BICRA: variants seen among roughly 807,000 people sequenced by gnomAD.
The protein encoded by BICRA is BRD4-interacting chromatin-remodeling complex-associated protein.
In BICRA, 31 loss-of-function variants were observed where a neutral mutation model predicts 96.9. The ratio of observed to expected loss-of-function variants is 0.32; its 90% CI spans 0.24 to 0.43. The LOEUF is 0.43. Ranked by LOEUF, BICRA falls within the 20% of genes least tolerant of loss-of-function variation. The pLI is 1.00. For synonymous variants in BICRA, 1,350 were observed against 1,071.8 expected (o/e 1.26, Z -5.07); for missense variants, 2,283 against 2,190.3 (o/e 1.04, Z -0.84).
At position 47,689,070 on chromosome 19, in the gene BICRA, A is replaced by G. The variant is rs184045319; in HGVS notation, c.2284-5045A>G. Reference sequence around the variant, plus strand: ...TTGGACTCCTGACCTCAAGTGATCCACCCGCCTTGGCATCCCAAAGTGCTG... The same window carrying G: ...TTGGACTCCTGACCTCAAGTGATCCGCCCGCCTTGGCATCCCAAAGTGCTG... On this transcript the variant is annotated intron_variant, in intron 7 of 14. Transcript: ENST00000594866. Among the ~76,000 whole-genome samples, 949 of 151,006 alleles carry G rather than the reference A, an allele frequency of 6.3e-3. 11 individuals carry two copies. Among genetic ancestry groups the G allele is most frequent in the Middle Eastern group, 0.01 (3 of 288 alleles).
intron 1 of BICRA, 90 bp downstream of exon 1, chr19:47,609,258 G>C (rs1459346867): frequency 6.6e-6 from 1 of 151,592 alleles, no homozygotes; most frequent in Admixed American, 6.6e-5. Context: ...CAAAAGCGAG[G>C]GGGGAGTGGG....
rs375583336 is a variant in BICRA at position 47,694,711 on chromosome 19, C to T, written c.2880C>T (p.Leu960=). Residue 960 remains leucine (L), a synonymous_variant, in exon 8 of 15, where the codon CTC becomes CTT. Coordinates refer to ENST00000594866, the MANE Select transcript of BICRA (RefSeq NM_001394372.1). ...FPALPQPKAL[L]ERFHQVPSGI... ...CGCTGCCCCAGCCGAAGGCTCTTCT[C>T]GAGAGATTTCACCAGGTAACGGGAG... is the stretch of plus-strand genomic sequence containing the variant. The T allele has an allele frequency of 1.0e-5, 16 of 1,541,588 alleles. No homozygotes were observed. Among genetic ancestry groups the T allele is most frequent in the South Asian group, 5.9e-5 (5 of 84,378 alleles).
chr19:47,678,797 G>A (rs990781977), intron 5 of BICRA, among the ~76,000 whole-genome samples: 5 of 151,952 alleles, frequency 3.3e-5, no homozygotes, highest in South Asian at 2.1e-4. Flanking sequence ...GATCAAGCAC[G>A]CCCTAGGTTA....
rs150530618 is a variant in BICRA, at chr19:47,658,578, G to A, written c.-107-11865G>A. 6.2e-3 allele frequency among the ~76,000 whole-genome samples: 918 copies of A among 148,556 alleles called. 6 individuals carry two copies. The highest frequency in any genetic ancestry group is 0.022 in the African/African-American group (855 of 39,682). ...ACCGGGGAGGCAGAGTTTGCAGTGA[G>A]CTGAAATCATGCCACTGCGCTCCAG... On this transcript the variant is annotated intron_variant, in intron 1 of 14. Transcript: ENST00000594866.
intron 1 of BICRA, among the ~76,000 whole-genome samples, chr19:47,652,193 G>A (rs1972550422): frequency 1.3e-5 from 2 of 152,102 alleles, no homozygotes; most frequent in African/African-American, 4.8e-5. Flanking sequence ...GGGGAGGAAG[G>A]TCATCTGGAG....
At chr19:47,638,238 A>G (rs1009167291) in intron 1 of BICRA, among the ~76,000 whole-genome samples, 1 of 152,154 alleles carries the variant, frequency 6.6e-6, no homozygotes, top group African/African-American at 2.4e-5. Context: ...CTCCCCCCTC[A>G]GGGAGGCCTC....
chr19:47,685,786 T>TGTGCGCGCGCGCGCGCGCGC, intron 7 of BICRA, among the ~76,000 whole-genome samples: 10 of 117,928 alleles, frequency 8.5e-5, no homozygotes, highest in East Asian at 3.5e-4. Flanking sequence ...TGTGTGTGTG[T>TGTGCGCGCGCGCGCGCGCGC]GCGCGCGCGC....
intron 7 of BICRA, among the ~76,000 whole-genome samples, chr19:47,684,327 GC>G (rs1568572520): frequency 6.6e-6 from 1 of 152,120 alleles, no homozygotes; most frequent in Non-Finnish European, 1.5e-5. Flanking sequence ...GATTACAGGT[GC>G]CTGCCACCAT....
At position 47,623,555 on chromosome 19, in the gene BICRA, C is replaced by A. The variant is rs116750786; in HGVS notation, c.-108+14387C>A. On this transcript the variant is annotated intron_variant, in intron 1 of 14. Transcript: ENST00000594866. ...GCTTCCTACTGCTTGGACTGTGGCC[C>A]ATGTTCTCACCTCCAGCACAAATAG... Among the ~76,000 whole-genome samples, 1,487 of 152,288 alleles carry A rather than the reference C, an allele frequency of 9.8e-3. 28 individuals are homozygous for A. Among genetic ancestry groups the A allele is most frequent in the African/African-American group, 0.034 (1,427 of 41,550 alleles).
chr19:47,658,146 A>G (rs1362650434), intron 1 of BICRA, among the ~76,000 whole-genome samples: 1 of 152,178 alleles, frequency 6.6e-6, no homozygotes, highest in Non-Finnish European at 1.5e-5. Flanking sequence ...TCTGAGCTGC[A>G]AGGGAGTCTG....
At chr19:47,657,598 G>A (rs944131131) in intron 1 of BICRA, among the ~76,000 whole-genome samples, 1 of 151,880 alleles carries the variant, frequency 6.6e-6, no homozygotes, top group Non-Finnish European at 1.5e-5. Context: ...GAGTTTCACT[G>A]TGTTAGCCAG....
intron 1 of BICRA, among the ~76,000 whole-genome samples, chr19:47,668,220 C>T (rs1037318363): frequency 6.6e-6 from 1 of 152,122 alleles, no homozygotes; most frequent in African/African-American, 2.4e-5. Flanking sequence ...CATAGTGGGC[C>T]CGCAGTCAGC....
chr19:47,698,530 G>A lies in BICRA; in HGVS notation c.3249-104G>A. The A allele has an allele frequency of 1.5e-6, 1 of 686,678 alleles. No individual in the cohort carries two copies. Among genetic ancestry groups the A allele is most frequent in the South Asian group, 1.7e-5 (1 of 59,936 alleles). The allele number at this position is 686,678 out of a possible 1,614,324, so 42.5% of individuals were successfully genotyped here. A position where few individuals can be genotyped will look rare whatever the true frequency, so the allele number is the denominator to read the frequency against. ...CCCAAGTATTCCCCTTCCCGCTGTT[G>A]TGTTCAGTTGCGGCCTGGGGCTGAG... On this transcript the variant is annotated intron_variant, in intron 11 of 14. Coordinates refer to ENST00000594866, the MANE Select transcript of BICRA (RefSeq NM_001394372.1). This position sits in a 1 kb window ranked among gnomAD's most constrained non-coding sequence, Gnocchi z 4.8.
intron 1 of BICRA, among the ~76,000 whole-genome samples, chr19:47,610,941 A>G (rs1427366562): frequency 6.6e-6 from 1 of 152,150 alleles, no homozygotes; most frequent in East Asian, 1.9e-4. Flanking sequence ...CTCAAGATGG[A>G]AATATTAATA....
rs1465005636 is a variant in BICRA, at chr19:47,620,218, AGGGC to A, written c.-108+11051_-108+11054del. 7.9e-5 allele frequency among the ~76,000 whole-genome samples: 12 copies of A among 152,120 alleles called. No homozygotes were observed. The East Asian group carries it at 2.1e-3, about 27-fold the overall frequency. On this transcript the variant is annotated intron_variant, in intron 1 of 14. Transcript: ENST00000594866. ...TCCAAACTGCAGAAGATGAGAAGGGAGGGCTGTGTTTCCTGTGTTCTCAGCTCCT... is the reference window on the plus strand; with the variant it reads ...TCCAAACTGCAGAAGATGAGAAGGGATGTGTTTCCTGTGTTCTCAGCTCCT...
chr19:47,655,612 G>A (rs1255757534), intron 1 of BICRA, among the ~76,000 whole-genome samples: 1 of 151,458 alleles, frequency 6.6e-6, no homozygotes, highest in African/African-American at 2.4e-5. Context: ...CAGCACTTTG[G>A]GAGGCTGAGG....
chr19:47,615,226 C>T (rs1437408942), intron 1 of BICRA, among the ~76,000 whole-genome samples: 1 of 152,224 alleles, frequency 6.6e-6, no homozygotes, highest in Non-Finnish European at 1.5e-5. Context: ...AAGCACTCCT[C>T]CCGCCTTGGC....
intron 1 of BICRA, among the ~76,000 whole-genome samples, chr19:47,665,195 C>T (rs1034381288): frequency 4.3e-4 from 66 of 152,338 alleles, no homozygotes; most frequent in Non-Finnish European, 1.8e-4. Context: ...CAGCACCCCC[C>T]ACCAGACACA....
At chr19:47,684,136 A>T (rs1209039480) in intron 7 of BICRA, among the ~76,000 whole-genome samples, 1 of 152,188 alleles carries the variant, frequency 6.6e-6, no homozygotes, top group African/African-American at 2.4e-5. Context: ...GAGTTACTAT[A>T]TGCTTAGCAC....
Sources: allele counts gnomAD v4.1 joint callset (sites outside exome capture counted in the v4.1 genomes callset), GRCh38; gene constraint gnomAD v4.1.1; non-coding constraint Gnocchi (gnomAD v3.1); transcripts MANE v1.5; gene names NCBI Gene and HGNC (gene_info 2026-07-23, HGNC 2026-07-21).